Variants in ACSM3 observed in about 807,000 individuals in gnomAD.
ACSM3 encodes acyl-coenzyme A synthetase ACSM3, mitochondrial.
In ACSM3, 61 loss-of-function variants were observed where a neutral mutation model predicts 74.1. The ratio of observed to expected loss-of-function variants is 0.82; its 90% CI spans 0.67 to 1.02. ACSM3 has a LOEUF of 1.02. Ranked by LOEUF, ACSM3 falls within the 50% of genes least tolerant of loss-of-function variation. The probability of loss-of-function intolerance (pLI) is 0.00; values close to 1 mark genes in which losing one functional copy is unlikely to be tolerated. For synonymous variants in ACSM3, 213 were observed against 241.5 expected (o/e 0.88, Z 1.09); for missense variants, 660 against 697.0 (o/e 0.95, Z 0.60).
intron 1 of ACSM3, among the ~76,000 whole-genome samples, chr16:20,717,840 GA>G (rs2079767920): frequency 6.6e-6 from 1 of 150,862 alleles, no homozygotes; most frequent in African/African-American, 2.4e-5. Flanking sequence ...GAAGGAAGAA[GA>G]AGGAGGAGGA....
At chr16:20,701,767 C>T (rs1456226713) in intron 1 of ACSM3, among the ~76,000 whole-genome samples, 1 of 151,904 alleles carries the variant, frequency 6.6e-6, no homozygotes, top group African/African-American at 2.4e-5. Flanking sequence ...TGTTTAACTC[C>T]CACTTATCAG....
At chr16:20,756,968 G>A (rs1214007998) in intron 3 of ACSM3, among the ~76,000 whole-genome samples, 2 of 151,696 alleles carry the variant, frequency 1.3e-5, no homozygotes, top group Non-Finnish European at 1.5e-5. Flanking sequence ...TATTTCTGAG[G>A]GCTCTGTTCT....
At chr16:20,781,354 A>T (rs1360908913) in intron 6 of ACSM3, among the ~76,000 whole-genome samples, 1 of 152,218 alleles carries the variant, frequency 6.6e-6, no homozygotes, top group African/African-American at 2.4e-5. Context: ...ATATTTGGGG[A>T]GAAAAACCAA....
At chr16:20,682,253 CA>C in intron 1 of ACSM3, 1 of 1,612,482 alleles carries the variant, frequency 6.2e-7, no homozygotes, top group South Asian at 1.1e-5. Context: ...ACCAGAGACT[CA>C]CTTAACCAGC....
Position 20,786,041 on chromosome 16 carries a change from TTGTAA to T in ACSM3, c.1144-33_1144-29del, listed in dbSNP as rs755856152. On this transcript the variant is annotated intron_variant, in intron 8 of 13. Coordinates refer to ENST00000289416, the MANE Select transcript of ACSM3 (RefSeq NM_005622.4). ...GATAGATGAATAAATTTTAAGTGAC[TTGTAA>T]TGTTATCTTACTTTTTCTTCTTCTT... is the stretch of plus-strand genomic sequence containing the variant. 9 of 1,390,242 alleles carry T rather than the reference TTGTAA, an allele frequency of 6.5e-6. No individual in the cohort carries two copies. In the Admixed American group the frequency reaches 2.1e-4, roughly 33 times the overall value. The allele number at this position is 1,390,242 out of a possible 1,614,324, so 86.1% of individuals were successfully genotyped here.
upstream of ACSM3, among the ~76,000 whole-genome samples, chr16:20,759,668 C>T (rs956632190): frequency 8.6e-5 from 13 of 152,044 alleles, no homozygotes; most frequent in African/African-American, 2.7e-4. Context: ...GCTCTGTACC[C>T]CTTCTCCCAC....
intron 1 of ACSM3, among the ~76,000 whole-genome samples, chr16:20,698,074 G>A (rs1255556114): frequency 2.0e-5 from 3 of 151,452 alleles, no homozygotes; most frequent in African/African-American, 7.3e-5. Flanking sequence ...GGCGCCTGTA[G>A]TCCCAGCTAC....
chr16:20,685,258 T>A, intron 1 of ACSM3: 1 of 1,614,204 alleles, frequency 6.2e-7, no homozygotes, highest in South Asian at 1.1e-5. Context: ...CAAGGCCAGA[T>A]GGTCTCCCTG....
chr16:20,674,986 T>C (rs2020178999), intron 1 of ACSM3, among the ~76,000 whole-genome samples: 1 of 151,810 alleles, frequency 6.6e-6, no homozygotes, highest in African/African-American at 2.4e-5. Context: ...AAAGTGAAAG[T>C]GGTTCACTGG....
In ACSM3 at chr16:20,695,680, CATCT is replaced by C. The variant is rs35535609; in HGVS notation, c.-190+20880_-190+20883del. ...TATTACCTATTTTCTATCTATCTAT[CATCT>C]ATCTATCTATCTATCTATCTAGATA... On this transcript the variant is annotated intron_variant, in intron 1 of 3. Coordinates refer to the ACSM3 transcript ENST00000561584. 3.3e-3 allele frequency among the ~76,000 whole-genome samples: 501 copies of C among 151,018 alleles called. 2 individuals are homozygous for C. Among genetic ancestry groups the C allele is most frequent in the South Asian group, 6.3e-3 (30 of 4,776 alleles).
rs1438516737 is a variant in ACSM3 at position 20,738,770 on chromosome 16, T to C, written c.-189-11140T>C. ...CCACAGGCCAACTGCTAATACAGTG[T>C]ACAGAAGCTGCCATCAAATGATTAA... On this transcript the variant is annotated intron_variant, in intron 1 of 3. Transcript: ENST00000561584. 10 of 1,088,922 alleles carry C rather than the reference T, an allele frequency of 9.2e-6. No individual in the cohort carries two copies. The East Asian group carries it at 1.9e-4, about 21-fold the overall frequency. The allele number at this position is 1,088,922 out of a possible 1,614,324, so 67.5% of individuals were successfully genotyped here. A position where few individuals can be genotyped will look rare whatever the true frequency, so the allele number is the denominator to read the frequency against.
intron 1 of ACSM3, among the ~76,000 whole-genome samples, chr16:20,689,891 A>G (rs536566468): frequency 6.7e-4 from 102 of 152,270 alleles, no homozygotes; most frequent in African/African-American, 2.4e-3. Context: ...CCTGGACCCA[A>G]ACCCTGCTCT....
At chr16:20,715,346 G>C (rs1458249638) in intron 1 of ACSM3, among the ~76,000 whole-genome samples, 1 of 152,252 alleles carries the variant, frequency 6.6e-6, no homozygotes, top group East Asian at 1.9e-4. Flanking sequence ...GCTCACATCT[G>C]TAATCCCAGC....
chr16:20,793,567 C>A (rs2080651828), intron 12 of ACSM3, among the ~76,000 whole-genome samples: 1 of 152,016 alleles, frequency 6.6e-6, no homozygotes, highest in Non-Finnish European at 1.5e-5. Flanking sequence ...ATTCCCCTAA[C>A]TGATCTTTGA....
intron 1 of ACSM3, among the ~76,000 whole-genome samples, chr16:20,714,062 G>A (rs970615446): frequency 3.3e-5 from 5 of 152,122 alleles, no homozygotes; most frequent in African/African-American, 1.2e-4. Context: ...AATGGATGAG[G>A]GAAAAGGTCA....
At chr16:20,718,016 A>AGAAGAAGAAGAAGAAGAG (rs2079771311) in intron 1 of ACSM3, among the ~76,000 whole-genome samples, 1 of 149,262 alleles carries the variant, frequency 6.7e-6, no homozygotes, top group Admixed American at 6.7e-5. Context: ...AAGAAGAAGA[A>AGAAGAAGAAGAAGAAGAG]GAAGAAGAAG....
chr16:20,783,866 G>A (rs1206860864), intron 7 of ACSM3, among the ~76,000 whole-genome samples: 1 of 150,734 alleles, frequency 6.6e-6, no homozygotes, highest in African/African-American at 2.4e-5. Flanking sequence ...GGAGTGCAGT[G>A]GCACAATCTC....
chr16:20,769,729 A>C (rs2080167971), intron 1 of ACSM3, among the ~76,000 whole-genome samples: 1 of 152,244 alleles, frequency 6.6e-6, no homozygotes, highest in Non-Finnish European at 1.5e-5. Context: ...GTTCAAATCC[A>C]GCCAATGCCT....
chr16:20,766,447 T>C (rs996872264), intron 1 of ACSM3, among the ~76,000 whole-genome samples: 23 of 152,046 alleles, frequency 1.5e-4, no homozygotes, highest in Admixed American at 7.9e-4. Flanking sequence ...TATTTCCTTG[T>C]CTGTAAAATG....
Sources: gnomAD v4.1 joint callset for allele counts (sites outside exome capture counted in the v4.1 genomes callset) on GRCh38, gnomAD v4.1.1 for gene constraint, MANE v1.5 for transcripts, NCBI Gene and HGNC (gene_info 2026-07-23, HGNC 2026-07-21) for gene names.